TNR: variants seen among roughly 807,000 people sequenced by gnomAD.
The protein encoded by TNR is tenascin R.
A neutral mutation model predicts 150.4 loss-of-function variants in TNR; 45 were observed. That is an observed-to-expected ratio of 0.30 (90% CI 0.24 to 0.38). TNR has a LOEUF of 0.38. Among genes scored for constraint, TNR ranks in the 10% least tolerant of loss-of-function variants. The pLI, the probability that TNR is intolerant of heterozygous loss-of-function variation, is 1.00. For synonymous variants in TNR, 687 were observed against 678.4 expected (o/e 1.01, Z -0.20); for missense variants, 1,544 against 1,759.1 (o/e 0.88, Z 2.19).
intron 2 of TNR, among the ~76,000 whole-genome samples, chr1:175,420,207 C>G (rs1401143683): frequency 6.6e-6 from 1 of 152,196 alleles, no homozygotes; most frequent in African/African-American, 2.4e-5. Context: ...ACACAGTTCC[C>G]TCACTGACCA....
chr1:175,640,885 C>T (rs763344978), intron 1 of TNR, among the ~76,000 whole-genome samples: 4 of 151,530 alleles, frequency 2.6e-5, no homozygotes, highest in Non-Finnish European at 5.9e-5. Context: ...AAATGTGTAA[C>T]CCCTGTCCTA....
chr1:175,697,347 CTT>C (rs58904598), intron 1 of TNR, among the ~76,000 whole-genome samples: 11 of 147,374 alleles, frequency 7.5e-5, no homozygotes, highest in South Asian at 2.2e-4. Flanking sequence ...CTTTCTACGT[CTT>C]TTTTTTTTTT....
chr1:175,420,752 G>A (rs1654714752), intron 2 of TNR, among the ~76,000 whole-genome samples: 1 of 152,168 alleles, frequency 6.6e-6, no homozygotes, highest in Non-Finnish European at 1.5e-5. Context: ...CTTTACAGAT[G>A]AGTAAACTAA....
At chr1:175,621,897 A>T (rs1023938723) in intron 1 of TNR, among the ~76,000 whole-genome samples, 2 of 152,204 alleles carry the variant, frequency 1.3e-5, no homozygotes, top group Non-Finnish European at 2.9e-5. Flanking sequence ...CCCTAGATTG[A>T]GCCTACCCTG....
chr1:175,375,499 G>A (rs964756287), intron 9 of TNR, among the ~76,000 whole-genome samples: 1 of 151,654 alleles, frequency 6.6e-6, no homozygotes, highest in African/African-American at 2.4e-5. Context: ...TTTGAATTTT[G>A]GGCACCAGCC....
rs1220252668 is a variant in TNR at position 175,403,243 on chromosome 1, G to A, written c.873C>T (p.Asp291=). Reference sequence around the variant, plus strand: ...CATTCAGACACTGCCGCTGGCCGCAGTCCTCACCAACGTAGCCCTCCTCGC... The same window carrying A: ...CATTCAGACACTGCCGCTGGCCGCAATCCTCACCAACGTAGCCCTCCTCGC... ...CLCEEGYVGE[D]CGQRQCLNAC... is the part of the protein sequence containing the mutation. The change falls in exon 4 of 23, where the codon GAC becomes GAT. Residue 291 remains aspartate, a synonymous_variant. Coordinates refer to ENST00000367674, the MANE Select transcript of TNR (RefSeq NM_003285.3). 1.9e-6 allele frequency: 3 copies of A among 1,614,018 alleles called. No individual in the cohort carries two copies. The highest frequency in any genetic ancestry group is 2.7e-5 in the African/African-American group (2 of 74,900).
intron 2 of TNR, among the ~76,000 whole-genome samples, chr1:175,417,857 G>A (rs1408805894): frequency 6.6e-6 from 1 of 152,062 alleles, no homozygotes; most frequent in Non-Finnish European, 1.5e-5. Flanking sequence ...GCAAATAATT[G>A]CTTTCATATA....
At chr1:175,400,964 G>A (rs1193209132) in intron 4 of TNR, among the ~76,000 whole-genome samples, 1 of 152,156 alleles carries the variant, frequency 6.6e-6, no homozygotes, top group African/African-American at 2.4e-5. Context: ...GGTGGCTCTA[G>A]GGTTGCTATA....
chr1:175,401,542 A>G (rs909318782), intron 4 of TNR, among the ~76,000 whole-genome samples: 2 of 152,200 alleles, frequency 1.3e-5, no homozygotes, highest in East Asian at 3.8e-4. Flanking sequence ...AGTAAACAAA[A>G]TTGGGAGGCT....
rs758856944 is a variant in TNR at position 175,396,719 on chromosome 1, A to G, written c.1065T>C (p.Tyr355=). 1.2e-6 allele frequency: 2 copies of G among 1,614,206 alleles called. No homozygotes were observed. The highest frequency in any genetic ancestry group is 1.7e-6 in the Non-Finnish European group (2 of 1,180,026). ...EWDGPMAVTE[Y]VISYQPTALG... is the part of the protein sequence containing the mutation. Reference sequence around the variant, plus strand: ...GGGCCGTCGGCTGGTAAGAGATCACATATTCCGTCACTGCCATCGGCCCGT... The same window carrying G: ...GGGCCGTCGGCTGGTAAGAGATCACGTATTCCGTCACTGCCATCGGCCCGT... The change falls in exon 5 of 23, where the codon TAT becomes TAC. Residue 355 remains tyrosine, a synonymous_variant. Coordinates refer to ENST00000367674, the MANE Select transcript of TNR (RefSeq NM_003285.3).
intron 9 of TNR, among the ~76,000 whole-genome samples, chr1:175,376,732 A>T (rs369245549): frequency 6.6e-6 from 1 of 152,136 alleles, no homozygotes. Context: ...CATCTCAGCG[A>T]GTACAAATAC....
chr1:175,693,315 C>T (rs1360814131), intron 1 of TNR, among the ~76,000 whole-genome samples: 1 of 152,208 alleles, frequency 6.6e-6, no homozygotes, highest in Non-Finnish European at 1.5e-5. Flanking sequence ...CTGTACTACA[C>T]ATGTGTGGGA....
chr1:175,737,697 C>T (rs1047418701), intron 1 of TNR, among the ~76,000 whole-genome samples: 1 of 152,322 alleles, frequency 6.6e-6, no homozygotes, highest in African/African-American at 2.4e-5. Context: ...CTCCTGGGTC[C>T]TGGTAATAAA....
intron 21 of TNR, 143 bp downstream of exon 21, chr1:175,329,931 G>C: frequency 1.1e-6 from 1 of 941,362 alleles, no homozygotes; most frequent in South Asian, 3.1e-5. Context: ...GTTCCCAGTG[G>C]CATGGCCCTT....
At chr1:175,554,115 T>C (rs558471791) in intron 1 of TNR, among the ~76,000 whole-genome samples, 1 of 152,270 alleles carries the variant, frequency 6.6e-6, no homozygotes, top group East Asian at 1.9e-4. Flanking sequence ...CCGCTGCATA[T>C]ATTCACTCTG....
rs1665607481 is a variant in TNR at position 175,668,854 on chromosome 1, T to C, written c.-165+74372A>G. On this transcript the variant is annotated intron_variant, in intron 1 of 22. Coordinates refer to ENST00000367674, the MANE Select transcript of TNR (RefSeq NM_003285.3). ...CAAGAGATAGGGTTGTGATATGTACTCAGATCTGTTTACACCAAAGCCTGC... is the reference window on the plus strand; with the variant it reads ...CAAGAGATAGGGTTGTGATATGTACCCAGATCTGTTTACACCAAAGCCTGC... Among the ~76,000 whole-genome samples the C allele has an allele frequency of 2.0e-5, 3 of 152,316 alleles. No individual in the cohort carries two copies. The South Asian group carries it at 6.2e-4, about 32-fold the overall frequency.
At chr1:175,573,082 G>C (rs1661947551) in intron 1 of TNR, among the ~76,000 whole-genome samples, 1 of 152,202 alleles carries the variant, frequency 6.6e-6, no homozygotes, top group Non-Finnish European at 1.5e-5. Flanking sequence ...GCAGTTTTTA[G>C]TGGTCCAAAT....
intron 18 of TNR, among the ~76,000 whole-genome samples, chr1:175,338,679 A>AT (rs1433178627): frequency 1.3e-5 from 2 of 152,210 alleles, no homozygotes; most frequent in Non-Finnish European, 2.9e-5. Context: ...TTACTGCAGT[A>AT]TACCCTAGTG....
At chr1:175,610,258 C>G (rs1426554430) in intron 1 of TNR, among the ~76,000 whole-genome samples, 1 of 152,170 alleles carries the variant, frequency 6.6e-6, no homozygotes, top group South Asian at 2.1e-4. Context: ...AAATAACCCC[C>G]CTCTTTTGTT....
Sources: gnomAD v4.1 joint callset for allele counts (sites outside exome capture counted in the v4.1 genomes callset) on GRCh38, gnomAD v4.1.1 for gene constraint, MANE v1.5 for transcripts, NCBI Gene and HGNC (gene_info 2026-07-23, HGNC 2026-07-21) for gene names.